The following SEMA5A variants were observed in gnomAD, a reference collection of about 807,000 sequenced individuals.
The protein encoded by SEMA5A is semaphorin 5A.
SEMA5A carries 55 observed loss-of-function variants against 135.5 expected under a neutral mutation model. The ratio of observed to expected loss-of-function variants is 0.41; its 90% CI spans 0.33 to 0.51. The LOEUF (loss-of-function observed/expected upper bound fraction) is 0.51, where lower values mean the gene tolerates loss of function less well. SEMA5A is among the 20% of genes least tolerant of loss of function. The pLI is 0.37. For synonymous variants in SEMA5A, 580 were observed against 546.5 expected, an observed-to-expected ratio of 1.06 and a Z score of -0.85; for missense variants, 1,290 against 1,419.9, an observed-to-expected ratio of 0.91 and a Z score of 1.47.
At chr5:9,197,021 C>T in intron 10 of SEMA5A, 147 bp downstream of exon 10, 1 of 1,117,964 alleles carries the variant, frequency 8.9e-7, no homozygotes, top group Non-Finnish European at 1.3e-6. Context: ...CATTAGCCAG[C>T]AGAGTATGGG....
chr5:9,035,864 T>A lies in SEMA5A; in HGVS notation c.*7033A>T, dbSNP rs2150006559. The A allele has an allele frequency of 6.7e-6, 1 of 149,498 alleles. No individual in the cohort carries two copies. Among genetic ancestry groups the A allele is most frequent in the East Asian group, 2.0e-4 (1 of 5,076 alleles). The allele number at this position is 149,498 out of a possible 1,614,324, so 9.3% of individuals were successfully genotyped here. On this transcript the variant is annotated 3_prime_UTR_variant, in exon 23 of 23. Transcript: ENST00000382496. ...ATCTCATTGTTTTAAAAAGCTAAAT[T>A]ATAATTAAGATACATTGTCTTTTAA...
At chr5:9,455,155 C>A (rs1758783035) in intron 1 of SEMA5A, among the ~76,000 whole-genome samples, 2 of 152,154 alleles carry the variant, frequency 1.3e-5, no homozygotes, top group African/African-American at 2.4e-5. Context: ...CTGTCCCTGT[C>A]CCTGAAGCTG....
chr5:9,421,996 T>C (rs1441653526), intron 2 of SEMA5A, among the ~76,000 whole-genome samples: 1 of 152,204 alleles, frequency 6.6e-6, no homozygotes, highest in Non-Finnish European at 1.5e-5. Context: ...CACAGTTTAG[T>C]TTAACGATAA....
intron 2 of SEMA5A, among the ~76,000 whole-genome samples, chr5:9,424,900 T>A (rs1305919157): frequency 3.3e-5 from 5 of 152,182 alleles, no homozygotes; most frequent in Non-Finnish European, 7.3e-5. Flanking sequence ...TTCAAGCTGG[T>A]CTTCCTGCTT....
intron 1 of SEMA5A, among the ~76,000 whole-genome samples, chr5:9,506,911 G>A (rs1177771815): frequency 6.6e-6 from 1 of 152,138 alleles, no homozygotes; most frequent in African/African-American, 2.4e-5. Context: ...AGCTTGTGCT[G>A]AGATAACTTT....
At chr5:9,311,746 TAATAAAATAA>T (rs532087075) in intron 5 of SEMA5A, among the ~76,000 whole-genome samples, 3 of 152,002 alleles carry the variant, frequency 2.0e-5, no homozygotes, top group African/African-American at 4.8e-5. Flanking sequence ...AGTATAATGA[TAATAAAATAA>T]AATAAAATAA....
intron 12 of SEMA5A, among the ~76,000 whole-genome samples, chr5:9,139,358 T>A (rs1741938509): frequency 1.3e-5 from 2 of 152,190 alleles, no homozygotes; most frequent in Admixed American, 6.5e-5. Flanking sequence ...ACCAACAATA[T>A]GGGAGTGCCT....
chr5:9,423,687 A>G (rs576727432), intron 2 of SEMA5A, among the ~76,000 whole-genome samples: 1 of 152,356 alleles, frequency 6.6e-6, no homozygotes, highest in South Asian at 2.1e-4. Flanking sequence ...CACAGGTTTG[A>G]TCCTCTTACA....
intron 2 of SEMA5A, among the ~76,000 whole-genome samples, chr5:9,395,005 TTACTCCTAAGTCGTAGGA>T (rs1368208442): frequency 6.6e-6 from 1 of 152,172 alleles, no homozygotes; most frequent in East Asian, 1.9e-4. Context: ...AAAATTGTGG[TTACTCCTAAGTCGTAGGA>T]AAATTTTTAA....
intron 2 of SEMA5A, among the ~76,000 whole-genome samples, chr5:9,391,848 T>C (rs559234688): frequency 6.6e-6 from 1 of 152,252 alleles, no homozygotes; most frequent in East Asian, 1.9e-4. Context: ...TTCCAATAGA[T>C]CTCTTTGCAA....
chr5:9,385,389 C>G (rs1271390204), intron 2 of SEMA5A, among the ~76,000 whole-genome samples: 1 of 152,138 alleles, frequency 6.6e-6, no homozygotes, highest in Non-Finnish European at 1.5e-5. Flanking sequence ...CAGTGTCTAA[C>G]CAGTTATTAG....
intron 1 of SEMA5A, among the ~76,000 whole-genome samples, chr5:9,475,490 AAC>A (rs1245613637): frequency 6.6e-6 from 1 of 152,240 alleles, no homozygotes; most frequent in African/African-American, 2.4e-5. Context: ...AAGCAGGACA[AAC>A]ACAGAATGTT....
At chr5:9,365,019 C>G (rs1030106467) in intron 3 of SEMA5A, among the ~76,000 whole-genome samples, 29 of 152,136 alleles carry the variant, frequency 1.9e-4, no homozygotes, top group Admixed American at 3.9e-4. Flanking sequence ...ATGTAAAGCA[C>G]AAGGTGGAGT....
At position 9,040,587 on chromosome 5, in the gene SEMA5A, T is replaced by C. The variant is rs1464063632; in HGVS notation, c.*2310A>G. 6.6e-6 allele frequency: 1 copy of C among 152,060 alleles called. No homozygotes were observed. Among genetic ancestry groups the C allele is most frequent in the Non-Finnish European group, 1.5e-5 (1 of 67,956 alleles). The allele number at this position is 152,060 out of a possible 1,614,324, so 9.4% of individuals were successfully genotyped here. On this transcript the variant is annotated 3_prime_UTR_variant, in exon 23 of 23. Coordinates refer to ENST00000382496, the MANE Select transcript of SEMA5A (RefSeq NM_003966.3). ...GGAAGAGAGATAAACAATTTTCCTTTGAACAGTGTGGTACGAAACAAAAAT... is the reference window on the plus strand; with the variant it reads ...GGAAGAGAGATAAACAATTTTCCTTCGAACAGTGTGGTACGAAACAAAAAT...
chr5:9,284,004 A>G (rs1447245138), intron 5 of SEMA5A, among the ~76,000 whole-genome samples: 2 of 152,164 alleles, frequency 1.3e-5, no homozygotes, highest in Non-Finnish European at 2.9e-5. Flanking sequence ...ATAGATAGAT[A>G]ACAGATAATA....
At chr5:9,083,578 TCATCCATTCATCCATCCATCCATCCATC>T (rs1452328346) in intron 16 of SEMA5A, among the ~76,000 whole-genome samples, 5 of 103,256 alleles carry the variant, frequency 4.8e-5, no homozygotes, top group South Asian at 6.7e-4. Flanking sequence ...TTCCATTCAT[TCATCCATTCATCCATCCATCCATCCATC>T]CATCCATCCA....
intron 1 of SEMA5A, among the ~76,000 whole-genome samples, chr5:9,508,427 C>T (rs983239745): frequency 1.3e-5 from 2 of 152,206 alleles, no homozygotes; most frequent in East Asian, 1.9e-4. Context: ...TCTGATCGCT[C>T]CTTGCTGCAA....
chr5:9,351,439 T>G (rs140238891), intron 3 of SEMA5A, among the ~76,000 whole-genome samples: 357 of 152,098 alleles, frequency 2.3e-3, no homozygotes, highest in Middle Eastern at 0.017. Context: ...TTCATTGTTA[T>G]CTTTCTTCAC....
At chr5:9,446,630 AG>A (rs1324040220) in intron 1 of SEMA5A, among the ~76,000 whole-genome samples, 2 of 152,168 alleles carry the variant, frequency 1.3e-5, no homozygotes, top group African/African-American at 4.8e-5. Flanking sequence ...CTAGAAAAAA[AG>A]GGTGTCTGAG....
Sources: allele counts gnomAD v4.1 joint callset (sites outside exome capture counted in the v4.1 genomes callset), GRCh38; gene constraint gnomAD v4.1.1; transcripts MANE v1.5; gene names NCBI Gene and HGNC (gene_info 2026-07-23, HGNC 2026-07-21).